The following ANAPC10 variants were observed in gnomAD, a reference collection of about 807,000 sequenced individuals.
The protein encoded by ANAPC10 is anaphase-promoting complex subunit 10.
A neutral mutation model predicts 22.0 loss-of-function variants in ANAPC10; 12 were observed. That is an observed-to-expected ratio of 0.55 (90% CI 0.35 to 0.88). ANAPC10 has a LOEUF of 0.88. ANAPC10 is among the 40% of genes least tolerant of loss of function. The pLI is 0.01. For missense variants in ANAPC10, 188 were observed against 220.9 expected, an observed-to-expected ratio of 0.85 and a Z score of 0.94; for synonymous variants, 65 against 69.5, an observed-to-expected ratio of 0.94 and a Z score of 0.32.
intron 4 of ANAPC10, among the ~76,000 whole-genome samples, chr4:145,015,319 G>A (rs960794575): frequency 6.6e-6 from 1 of 151,778 alleles, no homozygotes; most frequent in Non-Finnish European, 1.5e-5. Context: ...CAATAGAAAT[G>A]AACAAGCAGA....
At chr4:145,031,691 T>G (rs1170327259) in intron 4 of ANAPC10, among the ~76,000 whole-genome samples, 4 of 152,224 alleles carry the variant, frequency 2.6e-5, no homozygotes, top group Non-Finnish European at 5.9e-5. Flanking sequence ...GAGGTATCAG[T>G]GGCAGATAGG....
chr4:145,035,564 GT>G (rs1408176127), intron 4 of ANAPC10: 2 of 152,228 alleles, frequency 1.3e-5, no homozygotes, highest in African/African-American at 4.8e-5. Context: ...GGTCAGGTGA[GT>G]GTTTAGCTCT....
intron 4 of ANAPC10, among the ~76,000 whole-genome samples, chr4:145,012,137 T>C (rs992859121): frequency 6.6e-6 from 1 of 150,572 alleles, no homozygotes; most frequent in Non-Finnish European, 1.5e-5. Flanking sequence ...AAAAACAGTG[T>C]GGGCCACAAT....
At chr4:145,011,610 G>A (rs755870646) in intron 4 of ANAPC10, among the ~76,000 whole-genome samples, 14 of 152,086 alleles carry the variant, frequency 9.2e-5, no homozygotes, top group African/African-American at 1.9e-4. Flanking sequence ...GGTAAAGGGC[G>A]AGAGGCTAAA....
chr4:144,995,968 T>G (rs767857393), intron 4 of ANAPC10, among the ~76,000 whole-genome samples: 3 of 152,234 alleles, frequency 2.0e-5, no homozygotes, highest in Non-Finnish European at 4.4e-5. Flanking sequence ...AAGTAGTATG[T>G]GCCTCCTCCA....
intron 3 of ANAPC10, among the ~76,000 whole-genome samples, chr4:145,079,217 G>C (rs1745605424): frequency 6.6e-6 from 1 of 152,122 alleles, no homozygotes; most frequent in Admixed American, 6.5e-5. Context: ...ATGGGCAAAG[G>C]ACATGAACGG....
intron 4 of ANAPC10, among the ~76,000 whole-genome samples, chr4:145,008,478 C>T (rs1005612036): frequency 1.3e-5 from 2 of 152,172 alleles, no homozygotes; most frequent in African/African-American, 4.8e-5. Context: ...CATCAAAAAG[C>T]TTACCCACCA....
At chr4:145,062,657 C>A (rs1306533511) in intron 4 of ANAPC10, among the ~76,000 whole-genome samples, 1 of 151,672 alleles carries the variant, frequency 6.6e-6, no homozygotes, top group East Asian at 1.9e-4. Context: ...TATAACAAGA[C>A]CAAGAAGTTA....
chr4:145,026,955 G>GTGTATATATATA (rs1736788954), intron 4 of ANAPC10, among the ~76,000 whole-genome samples: 1 of 17,044 alleles, frequency 5.9e-5, no homozygotes, highest in East Asian at 3.4e-3. Context: ...ATGTGTGTGT[G>GTGTATATATATA]TGTATATATA....
At chr4:145,043,815 A>G (rs770034992) in intron 4 of ANAPC10, among the ~76,000 whole-genome samples, 1 of 152,014 alleles carries the variant, frequency 6.6e-6, no homozygotes, top group African/African-American at 2.4e-5. Flanking sequence ...GATCCATATT[A>G]CCTAAAATGT....
At chr4:145,016,705 A>C (rs1735214329) in intron 4 of ANAPC10, among the ~76,000 whole-genome samples, 1 of 152,192 alleles carries the variant, frequency 6.6e-6, no homozygotes, top group South Asian at 2.1e-4. Flanking sequence ...GCATCATGCT[A>C]CCTCACTTCA....
At chr4:145,065,253 T>C (rs1041132095) in intron 3 of ANAPC10, among the ~76,000 whole-genome samples, 10 of 151,692 alleles carry the variant, frequency 6.6e-5, no homozygotes, top group African/African-American at 2.4e-4. Flanking sequence ...AATATACATA[T>C]CCTAGGGAAA....
intron 3 of ANAPC10, among the ~76,000 whole-genome samples, chr4:145,068,178 T>C (rs1662430882): frequency 6.6e-6 from 1 of 152,192 alleles, no homozygotes. Context: ...ATTTCCACCT[T>C]GTAGAAAACA....
chr4:145,000,231 A>C (rs1435248140), intron 4 of ANAPC10, among the ~76,000 whole-genome samples: 4 of 152,232 alleles, frequency 2.6e-5, no homozygotes, highest in Admixed American at 2.0e-4. Context: ...GAGCTTCTGC[A>C]CGGCAAAAGA....
At chr4:145,000,804 T>C (rs1266296502) in intron 4 of ANAPC10, among the ~76,000 whole-genome samples, 1 of 152,164 alleles carries the variant, frequency 6.6e-6, no homozygotes, top group East Asian at 1.9e-4. Context: ...CAACTGTCCA[T>C]CAGTGATAGA....
intron 2 of ANAPC10, among the ~76,000 whole-genome samples, chr4:145,084,484 G>C (rs1047720588): frequency 7.2e-5 from 11 of 152,090 alleles, no homozygotes; most frequent in Non-Finnish European, 1.5e-4. Context: ...CACAGACCAG[G>C]GGTGTCTAAT....
intron 4 of ANAPC10, among the ~76,000 whole-genome samples, chr4:145,008,550 G>A (rs1470376268): frequency 2.6e-5 from 4 of 152,074 alleles, no homozygotes; most frequent in African/African-American, 4.8e-5. Flanking sequence ...ATCAATAAAC[G>A]TAATCCATCA....
At chr4:145,026,637 T>TA in intron 4 of ANAPC10, among the ~76,000 whole-genome samples, 1 of 149,934 alleles carries the variant, frequency 6.7e-6, no homozygotes, top group South Asian at 2.1e-4. Context: ...CACTCTTAAA[T>TA]AAGAGAAAAT....
intron 2 of ANAPC10, among the ~76,000 whole-genome samples, chr4:145,091,465 A>G (rs2219164): frequency 0.99 from 150,379 of 152,256 alleles, 74,288 homozygotes; most frequent in East Asian, 1. Flanking sequence ...TATTTGATAC[A>G]ATAATGGATA....
Sources: allele counts gnomAD v4.1 joint callset (sites outside exome capture counted in the v4.1 genomes callset), GRCh38; gene constraint gnomAD v4.1.1; transcripts MANE v1.5; gene names NCBI Gene and HGNC (gene_info 2026-07-23, HGNC 2026-07-21).